The following ADCY9 variants were observed in gnomAD, a reference collection of about 807,000 sequenced individuals.
ADCY9 encodes adenylate cyclase 9, also known as adenylate cyclase type 9.
ADCY9 carries 50 observed loss-of-function variants against 101.5 expected under a neutral mutation model. That is an observed-to-expected ratio of 0.49 (90% CI 0.39 to 0.62). The LOEUF is 0.62. Ranked by LOEUF, ADCY9 falls within the 20% of genes least tolerant of loss-of-function variation. The probability of loss-of-function intolerance (pLI) is 0.00; values close to 1 mark genes in which losing one functional copy is unlikely to be tolerated. For missense variants in ADCY9, 1,662 were observed against 1,800.4 expected (o/e 0.92, Z 1.39); for synonymous variants, 905 against 769.3 (o/e 1.18, Z -2.92).
intron 2 of ADCY9, among the ~76,000 whole-genome samples, chr16:4,102,420 T>C (rs2057049181): frequency 6.6e-6 from 1 of 152,112 alleles, no homozygotes; most frequent in Admixed American, 6.5e-5. Context: ...GATGGTTGTT[T>C]CTTTGTTTGT....
chr16:3,989,383 T>G (rs1363165294), intron 5 of ADCY9, among the ~76,000 whole-genome samples: 38 of 149,734 alleles, frequency 2.5e-4, no homozygotes, highest in South Asian at 8.4e-4. Flanking sequence ...TTTTTGGGGT[T>G]TTTTTTTTTT....
intron 2 of ADCY9, among the ~76,000 whole-genome samples, chr16:4,009,825 T>C (rs1166686724): frequency 6.6e-6 from 1 of 152,178 alleles, no homozygotes; most frequent in Non-Finnish European, 1.5e-5. Flanking sequence ...GAGAGGACAA[T>C]GAGCTGCCAG....
At chr16:4,009,427 T>C (rs1051220917) in intron 2 of ADCY9, among the ~76,000 whole-genome samples, 2 of 152,118 alleles carry the variant, frequency 1.3e-5, no homozygotes, top group African/African-American at 2.4e-5. Context: ...AACTATTTCT[T>C]TCTTTCTTTT....
intron 10 of ADCY9, among the ~76,000 whole-genome samples, chr16:3,969,612 A>ATATATATG (rs1343824711): frequency 1.4e-5 from 1 of 70,888 alleles, no homozygotes; most frequent in South Asian, 4.6e-4. Context: ...ATATATATGT[A>ATATATATG]TTTTTTTTTT....
chr16:3,974,801 C>G, intron 9 of ADCY9, 91 bp from the exon 10 acceptor site: 1 of 1,043,966 alleles, frequency 9.6e-7, no homozygotes, highest in Non-Finnish European at 1.5e-6. Context: ...AACTATGTTC[C>G]TTTTTTAGAC....
chr16:4,038,091 C>G (rs570494773), intron 2 of ADCY9, among the ~76,000 whole-genome samples: 10 of 152,236 alleles, frequency 6.6e-5, no homozygotes, highest in African/African-American at 2.4e-4. Flanking sequence ...CTAGGCAACA[C>G]AGCGAAGACT....
chr16:3,973,773 G>T (rs924872890), intron 10 of ADCY9, among the ~76,000 whole-genome samples: 1 of 152,038 alleles, frequency 6.6e-6, no homozygotes, highest in Non-Finnish European at 1.5e-5. Flanking sequence ...GATTACAGGC[G>T]GGAGTCACCG....
At chr16:4,090,021 C>T (rs2056963496) in intron 2 of ADCY9, among the ~76,000 whole-genome samples, 1 of 152,116 alleles carries the variant, frequency 6.6e-6, no homozygotes, top group Non-Finnish European at 1.5e-5. Flanking sequence ...TGCTTAACAG[C>T]TTGGCAGGCA....
intron 2 of ADCY9, among the ~76,000 whole-genome samples, chr16:4,094,899 T>C (rs1057434415): frequency 6.6e-6 from 1 of 152,080 alleles, no homozygotes; most frequent in African/African-American, 2.4e-5. Context: ...ACATCAGGGA[T>C]TTTAAGAGGG....
intron 10 of ADCY9, among the ~76,000 whole-genome samples, chr16:3,972,418 T>C (rs989245106): frequency 6.0e-4 from 91 of 151,992 alleles, no homozygotes; most frequent in African/African-American, 2.1e-3. Flanking sequence ...TTAGTAGAGA[T>C]GGGGTTTCAC....
At chr16:3,978,591 G>A (rs774737353) in intron 8 of ADCY9, among the ~76,000 whole-genome samples, 20 of 152,346 alleles carry the variant, frequency 1.3e-4, no homozygotes, top group Middle Eastern at 3.4e-3. Context: ...CGTGCCCACC[G>A]GGGACTCCCC....
At chr16:4,038,270 G>A (rs577691276) in intron 2 of ADCY9, among the ~76,000 whole-genome samples, 2 of 144,286 alleles carry the variant, frequency 1.4e-5, no homozygotes, top group Non-Finnish European at 3.0e-5. Context: ...GACAGAGTAC[G>A]ATTCTGTCTC....
intron 8 of ADCY9, among the ~76,000 whole-genome samples, chr16:3,978,864 C>T (rs1274990881): frequency 6.6e-6 from 1 of 152,120 alleles, no homozygotes; most frequent in Non-Finnish European, 1.5e-5. Flanking sequence ...GGATTAAAGG[C>T]GCCTGCCACC....
intron 2 of ADCY9, among the ~76,000 whole-genome samples, chr16:4,041,746 ATTTTTTTTGTTTTTT>A (rs1260675970): frequency 4.1e-5 from 6 of 146,820 alleles, no homozygotes; most frequent in Admixed American, 3.4e-4. Context: ...TATTTATCTG[ATTTTTTTTGTTTTTT>A]TTTTTTTTGA....
intron 2 of ADCY9, among the ~76,000 whole-genome samples, chr16:4,041,797 G>A (rs1266961207): frequency 6.8e-6 from 1 of 147,252 alleles, no homozygotes; most frequent in African/African-American, 2.5e-5. Flanking sequence ...TGTTGCCCAT[G>A]CTGGAGTACG....
At chr16:3,969,778 C>A (rs1384054604) in intron 10 of ADCY9, among the ~76,000 whole-genome samples, 1 of 150,100 alleles carries the variant, frequency 6.7e-6, no homozygotes, top group Non-Finnish European at 1.5e-5. Flanking sequence ...CCACACCTGG[C>A]TAATTTTTTG....
intron 3 of ADCY9, among the ~76,000 whole-genome samples, chr16:3,994,454 C>A (rs959194306): frequency 6.6e-6 from 1 of 152,074 alleles, no homozygotes; most frequent in South Asian, 2.1e-4. Flanking sequence ...TTAAAAAGAT[C>A]GATTTTTAAA....
chr16:3,965,582 A>C lies in ADCY9; in HGVS notation c.*193T>G. 6.5e-6 allele frequency: 4 copies of C among 611,978 alleles called. No homozygotes were observed. The highest frequency in any genetic ancestry group is 2.8e-5 in the East Asian group (1 of 35,598). The allele number at this position is 611,978 out of a possible 1,614,324, so 37.9% of individuals were successfully genotyped here. On this transcript the variant is annotated 3_prime_UTR_variant, in exon 11 of 11. Coordinates refer to ENST00000294016, the MANE Select transcript of ADCY9 (RefSeq NM_001116.4). Reference sequence around the variant, plus strand: ...CCAGAGGCAGCGGGGTTTCCAGGGAAGGGAGCGAAAGGGAAGAATGGATGA... The same window carrying C: ...CCAGAGGCAGCGGGGTTTCCAGGGACGGGAGCGAAAGGGAAGAATGGATGA...
chr16:4,076,120 C>T (rs1008843991), intron 2 of ADCY9, among the ~76,000 whole-genome samples: 2 of 152,100 alleles, frequency 1.3e-5, no homozygotes, highest in Admixed American at 6.6e-5. Flanking sequence ...CTTGAGCCCA[C>T]GAGTTCGAGG....
Sources: allele counts gnomAD v4.1 joint callset (sites outside exome capture counted in the v4.1 genomes callset), GRCh38; gene constraint gnomAD v4.1.1; transcripts MANE v1.5; gene names NCBI Gene and HGNC (gene_info 2026-07-23, HGNC 2026-07-21).